Variants in RTL9 observed in about 807,000 individuals in gnomAD.
RTL9 encodes retrotransposon Gag like 9, also known as retrotransposon Gag-like protein 9.
Under a neutral mutation model 44.7 loss-of-function variants are expected in RTL9, and 19 were observed. The observed-to-expected ratio is 0.42, with a 90% CI of 0.30 to 0.62. The LOEUF (loss-of-function observed/expected upper bound fraction) is 0.62, where lower values mean the gene tolerates loss of function less well. RTL9 is among the 20% of genes least tolerant of loss of function. RTL9 has a pLI of 0.16. For missense variants in RTL9, 1,105 were observed against 1,080.6 expected, an observed-to-expected ratio of 1.02 and a Z score of -0.32; for synonymous variants, 407 against 398.9, an observed-to-expected ratio of 1.02 and a Z score of -0.24.
chrX:110,448,698 G>A (rs933112090), upstream of RTL9, among the ~76,000 whole-genome samples: 2 of 107,255 alleles, frequency 1.9e-5, no homozygotes, highest in African/African-American at 6.8e-5. Context: ...GCTGGCTGGC[G>A]GGCAGGGGGG....
At chrX:110,390,655 T>C (rs1482134283) in intron 1 of RTL9, among the ~76,000 whole-genome samples, 1 of 112,025 alleles carries the variant, frequency 8.9e-6, no homozygotes, top group Non-Finnish European at 1.9e-5. Flanking sequence ...GCTGAGTCCT[T>C]AGATCATGTT....
chrX:110,413,390 T>C (rs1223416067), intron 1 of RTL9, among the ~76,000 whole-genome samples: 1 of 111,120 alleles, frequency 9.0e-6, no homozygotes, highest in African/African-American at 3.3e-5. Context: ...GTCTGTGCTC[T>C]AGCTTCCCCT....
At chrX:110,366,005 C>T (rs909787833) in intron 1 of RTL9, among the ~76,000 whole-genome samples, 12 of 111,580 alleles carry the variant, frequency 1.1e-4, no homozygotes, top group Non-Finnish European at 1.9e-4. Flanking sequence ...TTTAGGGGAA[C>T]TAGATAGAAC....
At chrX:110,443,172 A>AGAT (rs2068891883) in intron 1 of RTL9, among the ~76,000 whole-genome samples, 1 of 112,056 alleles carries the variant, frequency 8.9e-6, no homozygotes, top group Admixed American at 9.4e-5. Context: ...CCTGTTTTAC[A>AGAT]GATGAGGAAA....
intron 1 of RTL9, among the ~76,000 whole-genome samples, chrX:110,378,069 CCTTTT>C (rs2068391794): frequency 9.2e-6 from 1 of 108,442 alleles, no homozygotes. Flanking sequence ...CATCTTTTGT[CCTTTT>C]CTTCAAGATT....
chrX:110,426,347 A>G (rs1032417983), intron 1 of RTL9, among the ~76,000 whole-genome samples: 2 of 111,806 alleles, frequency 1.8e-5, no homozygotes, highest in Non-Finnish European at 3.8e-5. Flanking sequence ...ACCCTAATGG[A>G]CAATTATCCC....
chrX:110,412,527 C>T, intron 1 of RTL9, among the ~76,000 whole-genome samples: 1 of 112,101 alleles, frequency 8.9e-6, no homozygotes, highest in Middle Eastern at 4.6e-3. Context: ...TCTAACCTCT[C>T]TGTGCCGTTT....
chrX:110,371,721 G>A (rs1487359542), intron 1 of RTL9, among the ~76,000 whole-genome samples: 1 of 111,178 alleles, frequency 9.0e-6, no homozygotes, highest in Non-Finnish European at 1.9e-5. Context: ...AATCCTGTTA[G>A]AAGGATCTGC....
chrX:110,442,138 T>C (rs959777166), intron 1 of RTL9, among the ~76,000 whole-genome samples: 2 of 110,569 alleles, frequency 1.8e-5, no homozygotes, highest in Admixed American at 9.7e-5. Flanking sequence ...TGAGGCAAAC[T>C]GGTGAGCACG....
upstream of RTL9, among the ~76,000 whole-genome samples, chrX:110,418,405 T>C (rs981805238): frequency 8.9e-6 from 1 of 112,161 alleles, no homozygotes; most frequent in Non-Finnish European, 1.9e-5. Flanking sequence ...ACTCAATTCC[T>C]CAAGTGTGTG....
chrX:110,444,869 C>G (rs1356468402), intron 1 of RTL9, among the ~76,000 whole-genome samples: 1 of 112,412 alleles, frequency 8.9e-6, no homozygotes, highest in Non-Finnish European at 1.9e-5. Context: ...GTATACTGGT[C>G]TGTAGTTTCC....
intron 1 of RTL9, among the ~76,000 whole-genome samples, chrX:110,410,773 T>C (rs1454891465): frequency 9.0e-6 from 1 of 111,215 alleles, no homozygotes; most frequent in Non-Finnish European, 1.9e-5. Flanking sequence ...AGATAACCTT[T>C]TGGATCCTAG....
intron 1 of RTL9, among the ~76,000 whole-genome samples, chrX:110,361,215 G>A (rs1055971542): frequency 2.7e-5 from 3 of 111,022 alleles, no homozygotes; most frequent in Non-Finnish European, 5.7e-5. Flanking sequence ...GGAAGACCTA[G>A]GAATCAATCT....
chrX:110,420,768 C>T (rs1234569316), intron 1 of RTL9, among the ~76,000 whole-genome samples: 3 of 111,602 alleles, frequency 2.7e-5, no homozygotes, highest in Admixed American at 9.5e-5. Flanking sequence ...TGGCCTCCGT[C>T]GTGAGAACAA....
intron 1 of RTL9, among the ~76,000 whole-genome samples, chrX:110,410,150 C>T (rs757381387): frequency 5.5e-4 from 61 of 111,403 alleles, no homozygotes; most frequent in Non-Finnish European, 1.5e-4. Context: ...TGACTCGCCT[C>T]GGGTCACAGA....
At chrX:110,364,889 C>T (rs1005229064) in intron 1 of RTL9, among the ~76,000 whole-genome samples, 4 of 111,978 alleles carry the variant, frequency 3.6e-5, no homozygotes, top group Non-Finnish European at 7.5e-5. Flanking sequence ...CCTGTAGTGC[C>T]AACTATATTT....
chrX:110,428,814 C>T (rs952986383), intron 1 of RTL9, among the ~76,000 whole-genome samples: 2 of 112,049 alleles, frequency 1.8e-5, no homozygotes, highest in East Asian at 5.6e-4. Context: ...TGGTGCAAAA[C>T]GAAAATGTGG....
chrX:110,432,724 C>A (rs2068807023), intron 1 of RTL9, among the ~76,000 whole-genome samples: 1 of 112,004 alleles, frequency 8.9e-6, no homozygotes, highest in South Asian at 3.8e-4. Flanking sequence ...CAAATATAGG[C>A]CCCCATATGT....
intron 1 of RTL9, among the ~76,000 whole-genome samples, chrX:110,360,465 A>G (rs1419171126): frequency 2.7e-5 from 3 of 111,631 alleles, no homozygotes; most frequent in Non-Finnish European, 5.6e-5. Flanking sequence ...AGGTGATGTT[A>G]TCTTGAACTA....
Sources: allele counts gnomAD v4.1 joint callset (sites outside exome capture counted in the v4.1 genomes callset), GRCh38; gene constraint gnomAD v4.1.1; transcripts MANE v1.5; gene names NCBI Gene and HGNC (gene_info 2026-07-23, HGNC 2026-07-21).